The following QTRT2 variants were observed in gnomAD, a reference collection of about 807,000 sequenced individuals.
The protein encoded by QTRT2 is queuine tRNA-ribosyltransferase domain containing 1.
In QTRT2, 32 loss-of-function variants were observed where a neutral mutation model predicts 44.8. The ratio of observed to expected loss-of-function variants is 0.71; its 90% CI spans 0.54 to 0.96. The LOEUF is 0.96. QTRT2 is among the 40% of genes least tolerant of loss of function. QTRT2 has a pLI of 0.00. For missense variants in QTRT2, 461 were observed against 503.1 expected, an observed-to-expected ratio of 0.92 and a Z score of 0.80; for synonymous variants, 182 against 187.4, an observed-to-expected ratio of 0.97 and a Z score of 0.24.
At chr3:114,083,234 T>G (rs1304410560) in intron 9 of QTRT2, among the ~76,000 whole-genome samples, 1 of 152,244 alleles carries the variant, frequency 6.6e-6, no homozygotes, top group Non-Finnish European at 1.5e-5. Flanking sequence ...TTCTTCAGAA[T>G]GCTTGGAACC....
At position 114,084,077 on chromosome 3, in the gene QTRT2, GT is replaced by G. The variant is rs201250839; in HGVS notation, c.1016+1284del. On this transcript the variant is annotated intron_variant, in intron 9 of 9. Transcript: ENST00000281273. ...ACTTTTTTCTTTTTTTTTTTTTTTT[GT>G]GGGGGGCAGAGTGTAGCTCTGTTGC... Among the ~76,000 whole-genome samples, 723 of 107,316 alleles carry G rather than the reference GT, an allele frequency of 6.7e-3. 7 individuals carry two copies. Among genetic ancestry groups the G allele is most frequent in the African/African-American group, 0.025 (670 of 27,210 alleles). The allele number at this position is 107,316 out of a possible 152,430, so 70.4% of individuals were successfully genotyped here.
At chr3:114,073,361 G>T (rs1322957802) in intron 6 of QTRT2, among the ~76,000 whole-genome samples, 1 of 152,066 alleles carries the variant, frequency 6.6e-6, no homozygotes, top group Non-Finnish European at 1.5e-5. Context: ...CTGCATATTT[G>T]TGGGGGTTTT....
chr3:114,082,872 T>G lies in QTRT2; in HGVS notation c.1016+78T>G, dbSNP rs559012021. The stretch of plus-strand genomic sequence containing the variant: ...CTGTGTTAAAAGTTTATGGGACAAT[T>G]CTCAATTTATGATTTCATAAAATAT... On this transcript the variant is annotated intron_variant, in intron 9 of 9. Coordinates refer to ENST00000281273, the MANE Select transcript of QTRT2 (RefSeq NM_024638.4). 7.2e-6 allele frequency: 5 copies of G among 692,228 alleles called. No individual in the cohort carries two copies. The African/African-American group carries it at 9.1e-5, about 13-fold the overall frequency. 42.9% of individuals were successfully genotyped at this position (692,228 alleles called of 1,614,324 possible).
intron 2 of QTRT2, among the ~76,000 whole-genome samples, chr3:114,063,907 C>T (rs2076919153): frequency 6.6e-6 from 1 of 151,980 alleles, no homozygotes; most frequent in Admixed American, 6.6e-5. Context: ...GTATGGTATG[C>T]TATAATGCTT....
At chr3:114,062,499 TGTG>T (rs1165562487) in intron 2 of QTRT2, among the ~76,000 whole-genome samples, 1 of 151,882 alleles carries the variant, frequency 6.6e-6, no homozygotes, top group Admixed American at 6.6e-5. Context: ...GAAGGGGTGA[TGTG>T]GTGATGAGGA....
chr3:114,066,892 G>A (rs1281038519), intron 4 of QTRT2, among the ~76,000 whole-genome samples: 1 of 152,134 alleles, frequency 6.6e-6, no homozygotes, highest in Admixed American at 6.5e-5. Context: ...TTTGTATATG[G>A]CTGTATTCTG....
intron 6 of QTRT2, among the ~76,000 whole-genome samples, chr3:114,073,984 G>A (rs1375633281): frequency 6.6e-6 from 1 of 152,126 alleles, no homozygotes; most frequent in Non-Finnish European, 1.5e-5. Context: ...CCAAGATTCG[G>A]TTTTTGGCTT....
At chr3:114,062,850 T>C (rs1474711565) in intron 2 of QTRT2, among the ~76,000 whole-genome samples, 2 of 152,220 alleles carry the variant, frequency 1.3e-5, no homozygotes, top group Admixed American at 6.5e-5. Context: ...AGGTTCTTCG[T>C]GCCTTTATAT....
intron 2 of QTRT2, 102 bp downstream of exon 2, chr3:114,057,208 T>A: frequency 2.5e-6 from 1 of 392,470 alleles, no homozygotes; most frequent in Non-Finnish European, 3.9e-6. Context: ...GCCATGGAGA[T>A]GGCCCATGGA....
chr3:114,069,241 CT>C (rs1439261439), intron 5 of QTRT2, among the ~76,000 whole-genome samples: 1 of 151,632 alleles, frequency 6.6e-6, no homozygotes, highest in Non-Finnish European at 1.5e-5. Context: ...TTTTTTTTCC[CT>C]TTTTTTAACT....
intron 8 of QTRT2, among the ~76,000 whole-genome samples, chr3:114,080,406 G>C (rs1413616780): frequency 1.3e-5 from 2 of 152,150 alleles, no homozygotes; most frequent in Non-Finnish European, 2.9e-5. Flanking sequence ...TCTCACAAAA[G>C]AGTTTTTGTC....
intron 2 of QTRT2, among the ~76,000 whole-genome samples, chr3:114,060,705 T>A (rs2076874799): frequency 6.6e-6 from 1 of 151,716 alleles, no homozygotes; most frequent in African/African-American, 2.4e-5. Flanking sequence ...GCAAACAGTC[T>A]TTTTTCTTTT....
chr3:114,071,658 A>G (rs749570947), intron 6 of QTRT2, among the ~76,000 whole-genome samples: 1 of 151,016 alleles, frequency 6.6e-6, no homozygotes, highest in Non-Finnish European at 1.5e-5. Flanking sequence ...CCCACTGTTC[A>G]CTCTTCCTTG....
chr3:114,073,155 G>T (rs1156523189), intron 6 of QTRT2, among the ~76,000 whole-genome samples: 2 of 152,214 alleles, frequency 1.3e-5, no homozygotes, highest in Non-Finnish European at 2.9e-5. Context: ...GGACATTGCT[G>T]TGTGTCTGGG....
chr3:114,079,592 C>G, intron 7 of QTRT2: 1 of 204,512 alleles, frequency 4.9e-6, no homozygotes, highest in African/African-American at 2.4e-5. Context: ...ATCCTCACAA[C>G]AATTCTGTGG....
chr3:114,064,646 A>T (rs2076929291), intron 2 of QTRT2, among the ~76,000 whole-genome samples: 1 of 152,164 alleles, frequency 6.6e-6, no homozygotes. Flanking sequence ...ACAGTTTCTC[A>T]CTTCTGTTTG....
At position 114,070,701 on chromosome 3, in the gene QTRT2, C is replaced by A; in HGVS notation, c.409C>A (p.Gln137Lys). ...SKFMAIQKAL[Q>K]PDWFQCLSDG... ...GTTCATGGCAATTCAGAAGGCCCTT[C>A]AGCCAGACTGGTTCCAGTGCCTCTC... The change falls in exon 6 of 10, where the codon CAG (glutamine) becomes AAG (lysine). Residue 137 changes from glutamine (Q) to lysine (K), a missense_variant. By Grantham distance (53) the Gln-to-Lys change is moderately conservative (BLOSUM62 1). Coordinates refer to ENST00000281273, the MANE Select transcript of QTRT2 (RefSeq NM_024638.4). 1 of 1,614,144 alleles carries A rather than the reference C, an allele frequency of 6.2e-7. No individual in the cohort carries two copies. Among genetic ancestry groups the A allele is most frequent in the Non-Finnish European group, 8.5e-7 (1 of 1,179,994 alleles).
At chr3:114,062,104 G>A (rs978951678) in intron 2 of QTRT2, among the ~76,000 whole-genome samples, 3 of 151,696 alleles carry the variant, frequency 2.0e-5, no homozygotes, top group Non-Finnish European at 4.4e-5. Context: ...AGTGGCTCAC[G>A]CCTGTAATCC....
intron 3 of QTRT2, 76 bp downstream of exon 3, chr3:114,065,533 ATTTT>A: frequency 9.0e-7 from 1 of 1,112,838 alleles, no homozygotes; most frequent in South Asian, 1.4e-5. Context: ...AAAGAGAAAT[ATTTT>A]TTTTTGTTCA....
Sources: gnomAD v4.1 joint callset for allele counts (sites outside exome capture counted in the v4.1 genomes callset) on GRCh38, gnomAD v4.1.1 for gene constraint, MANE v1.5 for transcripts, NCBI Gene and HGNC (gene_info 2026-07-23, HGNC 2026-07-21) for gene names.